Variants in SLC5A8 observed in about 807,000 individuals in gnomAD.
The protein encoded by SLC5A8 is sodium-coupled monocarboxylate transporter 1.
Under a neutral mutation model 71.9 loss-of-function variants are expected in SLC5A8, and 55 were observed. The observed-to-expected ratio is 0.77, with a 90% CI of 0.62 to 0.96. SLC5A8 has a LOEUF of 0.96. Ranked by LOEUF, SLC5A8 falls within the 40% of genes least tolerant of loss-of-function variation. The pLI, the probability that SLC5A8 is intolerant of heterozygous loss-of-function variation, is 0.00. For missense variants in SLC5A8, 701 were observed against 745.3 expected, an observed-to-expected ratio of 0.94 and a Z score of 0.69; for synonymous variants, 307 against 276.1, an observed-to-expected ratio of 1.11 and a Z score of -1.11.
intron 7 of SLC5A8, among the ~76,000 whole-genome samples, chr12:101,186,667 C>T (rs1868657581): frequency 6.6e-6 from 1 of 152,194 alleles, no homozygotes. Flanking sequence ...TGAGTTCTCT[C>T]ATCTTTGAAA....
intron 10 of SLC5A8, among the ~76,000 whole-genome samples, chr12:101,175,624 C>CA (rs932169426): frequency 2.6e-5 from 4 of 151,480 alleles, no homozygotes; most frequent in Admixed American, 6.6e-5. Context: ...CAAAACAAAA[C>CA]AAAAAAACCT....
chr12:101,168,840 A>G (rs1463657123), intron 10 of SLC5A8, among the ~76,000 whole-genome samples: 1 of 152,214 alleles, frequency 6.6e-6, no homozygotes, highest in Non-Finnish European at 1.5e-5. Context: ...CGTTCCCAAT[A>G]ATCTAATGCC....
intron 13 of SLC5A8, among the ~76,000 whole-genome samples, chr12:101,158,588 CTCTCTCTCTCTATA>C (rs1310494638): frequency 8.4e-3 from 317 of 37,856 alleles, no homozygotes; most frequent in African/African-American, 0.033. Flanking sequence ...CTCTCTCTCT[CTCTCTCTCTCTATA>C]TATATATATA....
At chr12:101,174,719 A>G (rs923066432) in intron 10 of SLC5A8, among the ~76,000 whole-genome samples, 2 of 152,124 alleles carry the variant, frequency 1.3e-5, no homozygotes, top group African/African-American at 4.8e-5. Context: ...TATAGCCACA[A>G]TATGTCTCAT....
chr12:101,164,240 ACTT>A (rs2051748811), intron 12 of SLC5A8, among the ~76,000 whole-genome samples: 1 of 152,200 alleles, frequency 6.6e-6, no homozygotes, highest in African/African-American at 2.4e-5. Flanking sequence ...TATGTCATGA[ACTT>A]CTATGTAAGT....
intron 2 of SLC5A8, 98 bp from the exon 3 acceptor site, chr12:101,202,313 A>T (rs1163407836): frequency 8.9e-7 from 1 of 1,129,008 alleles, no homozygotes. Flanking sequence ...TATAACTTCA[A>T]TTATGACTTA....
At chr12:101,193,075 A>C (rs1868991753) in intron 5 of SLC5A8, among the ~76,000 whole-genome samples, 1 of 150,800 alleles carries the variant, frequency 6.6e-6, no homozygotes, top group South Asian at 2.1e-4. Flanking sequence ...GGGTTCAAGC[A>C]ATTATCCTGC....
At chr12:101,203,409 A>G (rs1869541896) in intron 2 of SLC5A8, among the ~76,000 whole-genome samples, 1 of 151,874 alleles carries the variant, frequency 6.6e-6, no homozygotes, top group African/African-American at 2.4e-5. Context: ...GTGCAATGGC[A>G]TGATCTCGGC....
Position 101,209,720 on chromosome 12 carries a change from C to T in SLC5A8, c.129G>A (p.Lys43=). ...AFAGGGQQTS[K]DFLMGGRRMT... is the part of the protein sequence containing the mutation. ...TTCTGCGGCCGCCCATCAGGAAGTC[C>T]TTGGAGGTCTGCTGGCCGCCCCCAG... The change falls in exon 1 of 15, where the codon AAG becomes AAA. Residue 43 remains lysine, a synonymous_variant. Transcript: ENST00000536262. 1 of 1,613,090 alleles carries T rather than the reference C, an allele frequency of 6.2e-7. No homozygotes were observed. The highest frequency in any genetic ancestry group is 8.5e-7 in the Non-Finnish European group (1 of 1,179,930).
chr12:101,168,464 T>TA, intron 10 of SLC5A8, among the ~76,000 whole-genome samples: 1 of 152,346 alleles, frequency 6.6e-6, no homozygotes, highest in South Asian at 2.1e-4. Flanking sequence ...TATGTGAATG[T>TA]ATAAATCATG....
chr12:101,158,224 T>C (rs748502166), intron 14 of SLC5A8, 25 bp downstream of exon 14: 37 of 1,500,646 alleles, frequency 2.5e-5, no homozygotes, highest in Non-Finnish European at 3.3e-5. Flanking sequence ...GTTTCCTAAC[T>C]CAAGGTAAAT....
Position 101,209,777 on chromosome 12 carries a change from G to A in SLC5A8, c.72C>T (p.Ile24=), listed in dbSNP as rs547952958. Residue 24 remains isoleucine, a synonymous_variant, in exon 1 of 15, where the codon ATC becomes ATT. Coordinates refer to ENST00000536262, the MANE Select transcript of SLC5A8 (RefSeq NM_145913.5). ...CGTAGTAGATGCCGATGGCGGCCGA[G>A]ATGACCAGCATGCCCGCGAACACCA... ...DYVVFAGMLV[I]SAAIGIYYAF... 76 of 1,609,900 alleles carry A rather than the reference G, an allele frequency of 4.7e-5. No homozygotes were observed. In the Middle Eastern group the frequency reaches 9.9e-4, roughly 21 times the overall value.
chr12:101,202,720 G>A (rs984558106), intron 2 of SLC5A8, among the ~76,000 whole-genome samples: 1 of 151,946 alleles, frequency 6.6e-6, no homozygotes, highest in Non-Finnish European at 1.5e-5. Context: ...AATCCTGAAA[G>A]CCAATGAAAA....
chr12:101,193,226 G>T (rs1296678221), intron 5 of SLC5A8, among the ~76,000 whole-genome samples: 1 of 152,118 alleles, frequency 6.6e-6, no homozygotes, highest in Non-Finnish European at 1.5e-5. Context: ...ACCCACCTTG[G>T]CCTCCCAAAG....
rs781620466 is a variant in SLC5A8, at chr12:101,195,130, C to A, written c.502G>T (p.Ala168Ser). The A allele has an allele frequency of 2.5e-6, 4 of 1,614,040 alleles. No homozygotes were observed. Among genetic ancestry groups the A allele is most frequent in the Non-Finnish European group, 2.5e-6 (3 of 1,179,996 alleles). Residue 168 changes from alanine to serine, a missense_variant, in exon 4 of 15, where the codon GCA becomes TCA. Transcript: ENST00000536262. ...TGFDLWGAVVATGVVCTFYCT... is the reference protein window; with the variant it reads ...TGFDLWGAVVSTGVVCTFYCT... ...TAGAATGTGCAGACCACCCCCGTTG[C>A]CACTACCGCGCCCCACAGATCAAAT...
At chr12:101,166,778 C>T in intron 11 of SLC5A8, 79 bp from the exon 12 acceptor site, 1 of 1,275,054 alleles carries the variant, frequency 7.8e-7, no homozygotes, top group African/African-American at 1.5e-5. Context: ...AAGCCAAGTT[C>T]AACATGGCAC....
intron 9 of SLC5A8, among the ~76,000 whole-genome samples, chr12:101,180,505 G>A (rs1227318949): frequency 6.6e-6 from 1 of 152,166 alleles, no homozygotes; most frequent in Non-Finnish European, 1.5e-5. Context: ...GTGAGAGAAG[G>A]AGTAATAAAC....
chr12:101,157,054 A>G lies in SLC5A8; in HGVS notation c.*225T>C, dbSNP rs2051670537. On this transcript the variant is annotated 3_prime_UTR_variant, in exon 15 of 15. Transcript: ENST00000536262. ...TTCACAATTATAGCTTCATCGAAAT[A>G]AAGGAAAGAGAGGGAAATGTCAATG... 1 of 472,862 alleles carries G rather than the reference A, an allele frequency of 2.1e-6. No homozygotes were observed. The highest frequency in any genetic ancestry group is 3.6e-5 in the Admixed American group (1 of 27,860). 29.3% of individuals were successfully genotyped at this position (472,862 alleles called of 1,614,324 possible). A position where few individuals can be genotyped will look rare whatever the true frequency, so the allele number is the denominator to read the frequency against.
chr12:101,177,223 T>C (rs1256770670), intron 10 of SLC5A8, among the ~76,000 whole-genome samples: 5 of 152,086 alleles, frequency 3.3e-5, no homozygotes, highest in Admixed American at 2.0e-4. Flanking sequence ...ATGAAATGGA[T>C]AATTTGAATA....
Sources: allele counts gnomAD v4.1 joint callset (sites outside exome capture counted in the v4.1 genomes callset), GRCh38; gene constraint gnomAD v4.1.1; transcripts MANE v1.5; gene names NCBI Gene and HGNC (gene_info 2026-07-23, HGNC 2026-07-21).